RFPL1: variants seen among roughly 807,000 people sequenced by gnomAD.
RFPL1 encodes the protein ret finger protein-like 1.
In RFPL1, 6 loss-of-function variants were observed where a neutral mutation model predicts 9.6. That is an observed-to-expected ratio of 0.62 (90% CI 0.34 to 1.23). The LOEUF (loss-of-function observed/expected upper bound fraction) is 1.23. Ranked by LOEUF, RFPL1 falls within the 50% of genes most tolerant of loss-of-function variation. RFPL1 has a pLI of 0.03. For missense variants in RFPL1, 352 were observed against 398.4 expected (o/e 0.88, Z 0.99); for synonymous variants, 145 against 149.4 (o/e 0.97, Z 0.22).
the RFPL1 span, among the ~76,000 whole-genome samples, chr22:29,409,636 A>G: frequency 6.6e-6 from 1 of 152,210 alleles, no homozygotes; most frequent in East Asian, 1.9e-4. Context: ...GACACCGGAG[A>G]TGGTAAGATG....
At chr22:29,422,810 C>CACAT in the RFPL1 span, among the ~76,000 whole-genome samples, 1 of 149,928 alleles carries the variant, frequency 6.7e-6, no homozygotes, top group African/African-American at 2.5e-5. Flanking sequence ...CACACACATA[C>CACAT]ACACACACAC....
chr22:29,399,941 T>C, the RFPL1 span, among the ~76,000 whole-genome samples: 1 of 152,046 alleles, frequency 6.6e-6, no homozygotes, highest in Non-Finnish European at 1.5e-5. Context: ...ATTTACTCAC[T>C]GTTGAAGAAA....
chr22:29,441,776 G>A (rs765197061), exon 2 of RFPL1: 30 of 1,613,818 alleles, frequency 1.9e-5, no homozygotes, highest in Middle Eastern at 1.6e-4. Flanking sequence ...TCTGTTCACC[G>A]CAAAGGGAGG....
chr22:29,399,338 C>A, the RFPL1 span, among the ~76,000 whole-genome samples: 1 of 150,984 alleles, frequency 6.6e-6, no homozygotes, highest in African/African-American at 2.4e-5. Context: ...GTTTAAAATT[C>A]TTCAGTTTTC....
At chr22:29,399,778 A>C in the RFPL1 span, among the ~76,000 whole-genome samples, 1 of 152,030 alleles carries the variant, frequency 6.6e-6, no homozygotes, top group Admixed American at 6.6e-5. Context: ...GACTTTTTGC[A>C]ACTACATATA....
At chr22:29,417,887 A>G in the RFPL1 span, among the ~76,000 whole-genome samples, 63 of 150,444 alleles carry the variant, frequency 4.2e-4, no homozygotes, top group African/African-American at 1.4e-3. Flanking sequence ...TGGGGTAGTG[A>G]GCTGGGGTGA....
At chr22:29,440,950 T>C (rs556051245) in intron 1 of RFPL1, 1 of 153,152 alleles carries the variant, frequency 6.5e-6, no homozygotes, top group Admixed American at 6.5e-5. Flanking sequence ...ACCTCCCATG[T>C]AGGATGGAAA....
the RFPL1 span, among the ~76,000 whole-genome samples, chr22:29,431,517 T>C: frequency 6.6e-6 from 1 of 152,130 alleles, no homozygotes; most frequent in East Asian, 1.9e-4. Context: ...TAGAACGATT[T>C]TGCAGGGGAT....
At chr22:29,418,580 C>G in the RFPL1 span, among the ~76,000 whole-genome samples, 2 of 150,004 alleles carry the variant, frequency 1.3e-5, no homozygotes, top group South Asian at 4.2e-4. Flanking sequence ...GCTGAATGCA[C>G]CCTCTGTCTC....
the RFPL1 span, among the ~76,000 whole-genome samples, chr22:29,423,858 A>G: frequency 2.0e-5 from 3 of 152,190 alleles, no homozygotes; most frequent in African/African-American, 7.2e-5. Flanking sequence ...AATTTCTTAC[A>G]GGCTCTCTCA....
At chr22:29,394,749 C>T in the RFPL1 span, among the ~76,000 whole-genome samples, 1 of 152,194 alleles carries the variant, frequency 6.6e-6, no homozygotes, top group African/African-American at 2.4e-5. Flanking sequence ...TAACTCTCAC[C>T]GTTCTCAATA....
At chr22:29,413,726 A>C in the RFPL1 span, among the ~76,000 whole-genome samples, 1 of 152,160 alleles carries the variant, frequency 6.6e-6, no homozygotes, top group South Asian at 2.1e-4. Context: ...TTAACCTTTT[A>C]TAATTTTTGT....
At chr22:29,441,790 C>T in exon 2 of RFPL1, 1 of 1,613,966 alleles carries the variant, frequency 6.2e-7, no homozygotes, top group Non-Finnish European at 8.5e-7. Context: ...AGGGAGGATC[C>T]ATCTGACCAC....
intron 1 of RFPL1, chr22:29,439,395 A>T: frequency 1.6e-6 from 1 of 618,828 alleles, no homozygotes; most frequent in Non-Finnish European, 2.7e-6. Context: ...GCACTTTGGG[A>T]GGCCGAGGCG....
chr22:29,426,006 T>G, the RFPL1 span, among the ~76,000 whole-genome samples: 4 of 152,076 alleles, frequency 2.6e-5, no homozygotes, highest in African/African-American at 9.7e-5. Context: ...TATCTGCAAT[T>G]TGTTTCAGAC....
At chr22:29,400,071 C>T in the RFPL1 span, among the ~76,000 whole-genome samples, 2 of 149,792 alleles carry the variant, frequency 1.3e-5, no homozygotes, top group African/African-American at 4.9e-5. Flanking sequence ...TCTCGGCTCA[C>T]TGCAAGCTCC....
upstream of RFPL1, chr22:29,436,822 A>C (rs2062811026): frequency 6.6e-6 from 1 of 152,196 alleles, no homozygotes; most frequent in Admixed American, 6.5e-5. Context: ...GCCGACCAAA[A>C]TTAGGTCTTT....
At chr22:29,440,432 C>T (rs1445089178) in intron 1 of RFPL1, 2 of 152,060 alleles carry the variant, frequency 1.3e-5, no homozygotes, top group Non-Finnish European at 2.9e-5. Flanking sequence ...AATTAATTTT[C>T]TTTAGGCCAG....
the RFPL1 span, among the ~76,000 whole-genome samples, chr22:29,420,045 G>A: frequency 6.6e-6 from 1 of 152,298 alleles, no homozygotes; most frequent in East Asian, 1.9e-4. Context: ...TAAGGCTTGC[G>A]GGGTGAGAGC....
Sources: gnomAD v4.1 joint callset for allele counts (sites outside exome capture counted in the v4.1 genomes callset) on GRCh38, gnomAD v4.1.1 for gene constraint, MANE v1.5 for transcripts, NCBI Gene and HGNC (gene_info 2026-07-23, HGNC 2026-07-21) for gene names.